The following VTI1A variants were observed in gnomAD, a reference collection of about 807,000 sequenced individuals.
VTI1A encodes vesicle transport through interaction with t-SNAREs 1A, also known as vesicle transport through interaction with t-SNAREs homolog 1A.
Under a neutral mutation model 34.9 loss-of-function variants are expected in VTI1A, and 22 were observed. The observed-to-expected ratio is 0.63, with a 90% CI of 0.45 to 0.90. The LOEUF is 0.90. Among genes scored for constraint, VTI1A ranks in the 40% least tolerant of loss-of-function variants. The pLI is 0.00. For missense variants in VTI1A, 268 were observed against 275.6 expected, an observed-to-expected ratio of 0.97 and a Z score of 0.20; for synonymous variants, 87 against 97.3, an observed-to-expected ratio of 0.89 and a Z score of 0.62.
intron 7 of VTI1A, among the ~76,000 whole-genome samples, chr10:112,733,139 A>T (rs1885281): frequency 2.6e-5 from 4 of 152,124 alleles, no homozygotes; most frequent in African/African-American, 9.7e-5. Context: ...CAGCTCTGGA[A>T]TACAAGGCTT....
intron 5 of VTI1A, among the ~76,000 whole-genome samples, 182 bp from the exon 6 acceptor site, chr10:112,668,036 A>G (rs962571661): frequency 6.6e-6 from 1 of 152,206 alleles, no homozygotes; most frequent in Non-Finnish European, 1.5e-5. Context: ...AATTATGCCT[A>G]AGATAAATAG....
chr10:112,486,992 C>T (rs898960335), intron 3 of VTI1A, among the ~76,000 whole-genome samples: 3 of 152,054 alleles, frequency 2.0e-5, no homozygotes, highest in Admixed American at 6.6e-5. Flanking sequence ...GAGATACTAT[C>T]ACTATTTAAT....
At chr10:112,800,279 C>T (rs1852832075) in intron 7 of VTI1A, among the ~76,000 whole-genome samples, 1 of 152,278 alleles carries the variant, frequency 6.6e-6, no homozygotes, top group African/African-American at 2.4e-5. Context: ...GGATTCCAGG[C>T]GAGTAGCTCA....
intron 5 of VTI1A, among the ~76,000 whole-genome samples, chr10:112,590,745 A>G (rs1034080897): frequency 6.6e-6 from 1 of 152,160 alleles, no homozygotes; most frequent in Non-Finnish European, 1.5e-5. Context: ...GAGATTGGAA[A>G]CGAGAACAGA....
chr10:112,493,310 G>A (rs987544505), intron 3 of VTI1A, among the ~76,000 whole-genome samples: 9 of 150,968 alleles, frequency 6.0e-5, no homozygotes, highest in Non-Finnish European at 1.5e-5. Flanking sequence ...TATTCATCTT[G>A]TATCCTGCAA....
chr10:112,742,075 G>A (rs1257461058), intron 7 of VTI1A, among the ~76,000 whole-genome samples: 1 of 152,186 alleles, frequency 6.6e-6, no homozygotes, highest in African/African-American at 2.4e-5. Flanking sequence ...TCTAGATTCC[G>A]TTCCCACTTT....
chr10:112,841,334 A>C, the VTI1A span, among the ~76,000 whole-genome samples: 1 of 152,190 alleles, frequency 6.6e-6, no homozygotes, highest in Admixed American at 6.5e-5. Context: ...CCCATGTATG[A>C]AGGCTAGATG....
intron 7 of VTI1A, among the ~76,000 whole-genome samples, chr10:112,691,535 C>T (rs376965210): frequency 9.9e-5 from 15 of 151,970 alleles, no homozygotes; most frequent in East Asian, 3.9e-4. Context: ...AGCTACATTT[C>T]GAGGCAGAGG....
chr10:112,752,539 G>A (rs376181672), intron 7 of VTI1A: 8 of 985,460 alleles, frequency 8.1e-6, no homozygotes, highest in Non-Finnish European at 1.2e-6. Context: ...CTGAAGGTAT[G>A]ATTCTCCTTC....
At chr10:112,757,753 A>C (rs1432890889) in intron 7 of VTI1A, among the ~76,000 whole-genome samples, 1 of 152,100 alleles carries the variant, frequency 6.6e-6, no homozygotes, top group Non-Finnish European at 1.5e-5. Flanking sequence ...AAACTTGAAA[A>C]CAGAAAAACT....
chr10:112,809,086 G>C (rs1022867024), intron 7 of VTI1A, among the ~76,000 whole-genome samples: 3 of 152,178 alleles, frequency 2.0e-5, no homozygotes, highest in African/African-American at 7.2e-5. Flanking sequence ...AGTGGGATCA[G>C]CCTCCCTGAA....
At chr10:112,724,676 T>A (rs1214397513) in intron 7 of VTI1A, among the ~76,000 whole-genome samples, 1 of 152,068 alleles carries the variant, frequency 6.6e-6, no homozygotes, top group Non-Finnish European at 1.5e-5. Flanking sequence ...TGGGGCAAGT[T>A]TGGACATGAA....
In VTI1A at chr10:112,535,460, T is replaced by C. The variant is rs923626269; in HGVS notation, c.343-2786T>C. Among the ~76,000 whole-genome samples the C allele has an allele frequency of 9.9e-5, 15 of 152,280 alleles. No individual in the cohort carries two copies. The East Asian group carries it at 1.7e-3, about 18-fold the overall frequency. On this transcript the variant is annotated intron_variant, in intron 4 of 7. Coordinates refer to ENST00000393077, the MANE Select transcript of VTI1A (RefSeq NM_145206.4). ...AGACAAGCACTCAGCTGCTCCAAAA[T>C]GTGTTTTGTTTCGCTTGGAAACAAA...
At chr10:112,638,929 T>C (rs1235475670) in intron 5 of VTI1A, among the ~76,000 whole-genome samples, 1 of 151,968 alleles carries the variant, frequency 6.6e-6, no homozygotes, top group Non-Finnish European at 1.5e-5. Flanking sequence ...AATTATGACA[T>C]TGAAGCAAAA....
intron 3 of VTI1A, among the ~76,000 whole-genome samples, chr10:112,500,417 G>A (rs556019687): frequency 3.6e-4 from 54 of 149,962 alleles, no homozygotes; most frequent in Middle Eastern, 6.9e-3. Flanking sequence ...CCAGCCTGGC[G>A]ACAGACTCCA....
intron 5 of VTI1A, among the ~76,000 whole-genome samples, chr10:112,599,048 G>A (rs147548260): frequency 1.2e-4 from 18 of 152,228 alleles, no homozygotes; most frequent in Non-Finnish European, 2.2e-4. Flanking sequence ...ATACCAGTCC[G>A]TCTTTGACTG....
intron 7 of VTI1A, among the ~76,000 whole-genome samples, chr10:112,752,016 C>G (rs563628486): frequency 5.6e-4 from 85 of 152,260 alleles, no homozygotes; most frequent in African/African-American, 2.0e-3. Flanking sequence ...TGTTCAGATA[C>G]ATCAATTTAA....
At chr10:112,660,441 A>C (rs1847406255) in intron 5 of VTI1A, among the ~76,000 whole-genome samples, 1 of 152,198 alleles carries the variant, frequency 6.6e-6, no homozygotes, top group Non-Finnish European at 1.5e-5. Flanking sequence ...AAGATCATCT[A>C]GTCTAAGAGT....
At chr10:112,693,179 T>C (rs2133883891) in intron 7 of VTI1A, among the ~76,000 whole-genome samples, 1 of 152,362 alleles carries the variant, frequency 6.6e-6, no homozygotes, top group Non-Finnish European at 1.5e-5. Context: ...CTTAAGTAAC[T>C]GTTATTTATT....
Sources: gnomAD v4.1 joint callset for allele counts (sites outside exome capture counted in the v4.1 genomes callset) on GRCh38, gnomAD v4.1.1 for gene constraint, MANE v1.5 for transcripts, NCBI Gene and HGNC (gene_info 2026-07-23, HGNC 2026-07-21) for gene names.